WNT5A: variants seen among roughly 807,000 people sequenced by gnomAD.
WNT5A encodes the protein protein Wnt-5a.
In WNT5A, 9 loss-of-function variants were observed where a neutral mutation model predicts 42.1. That is an observed-to-expected ratio of 0.21 (90% CI 0.13 to 0.37). The LOEUF is 0.37. Among genes scored for constraint, WNT5A ranks in the 10% least tolerant of loss-of-function variants. The pLI is 1.00. For synonymous variants in WNT5A, 210 were observed against 210.0 expected, an observed-to-expected ratio of 1.00 and a Z score of 0.00; for missense variants, 426 against 534.0, an observed-to-expected ratio of 0.80 and a Z score of 1.99.
At chr3:55,493,511 A>G (rs1385085037), upstream of WNT5A, among the ~76,000 whole-genome samples, 1 of 152,078 alleles carries the variant, frequency 6.6e-6, no homozygotes, top group East Asian at 1.9e-4. Flanking sequence ...ATTTACAAGT[A>G]TATTTGTTTA....
rs570578703 is a variant in WNT5A at position 55,468,856 on chromosome 3, G to C, written c.*1236C>G. The C allele has an allele frequency of 6.6e-6, 1 of 152,636 alleles. No homozygotes were observed. Among genetic ancestry groups the C allele is most frequent in the South Asian group, 2.1e-4 (1 of 4,818 alleles). 9.5% of individuals were successfully genotyped at this position (152,636 alleles called of 1,614,324 possible). On this transcript the variant is annotated 3_prime_UTR_variant, in exon 5 of 5. Coordinates refer to ENST00000264634, the MANE Select transcript of WNT5A (RefSeq NM_003392.7). ...TGCAACACCTCTGTGAATTCCATTA[G>C]CCAAGTTCTGTCATTAAAACATAGA...
chr3:55,474,694 G>C, intron 3 of WNT5A, 65 bp from the exon 4 acceptor site: 1 of 1,295,508 alleles, frequency 7.7e-7, no homozygotes, highest in Non-Finnish European at 9.8e-7. Flanking sequence ...TGCTGCCGGG[G>C]GTGGGGGTGG....
rs2051594377 is a variant in WNT5A at position 55,487,144 on chromosome 3, G to T, written c.-159C>A. 2 of 620,616 alleles carry T rather than the reference G, an allele frequency of 3.2e-6. No individual in the cohort carries two copies. Among genetic ancestry groups the T allele is most frequent in the Admixed American group, 6.0e-5 (2 of 33,572 alleles). The allele number at this position is 620,616 out of a possible 1,614,324, so 38.4% of individuals were successfully genotyped here. A position where few individuals can be genotyped will look rare whatever the true frequency, so the allele number is the denominator to read the frequency against. On this transcript the variant is annotated 5_prime_UTR_variant, in exon 1 of 5. Coordinates refer to ENST00000264634, the MANE Select transcript of WNT5A (RefSeq NM_003392.7). ...GCGGGCGCAGTGAACCGGAGCTGAA[G>T]CGGGCACTGGCGCCCGGGCCTGGAC...
chr3:55,497,071 C>A, the WNT5A span, among the ~76,000 whole-genome samples: 3 of 152,098 alleles, frequency 2.0e-5, no homozygotes, highest in Middle Eastern at 3.2e-3. Flanking sequence ...ATTGTACGTG[C>A]CAGATCACAC....
At chr3:55,505,097 A>G in the WNT5A span, 1 of 152,202 alleles carries the variant, frequency 6.6e-6, no homozygotes, top group Admixed American at 6.5e-5. Context: ...GTTCATTCTA[A>G]TGCTGCTATA....
Position 55,486,021 on chromosome 3 carries a change from A to G in WNT5A, c.6+959T>C, listed in dbSNP as rs573435862. Among the ~76,000 whole-genome samples the G allele has an allele frequency of 5.9e-5, 9 of 152,374 alleles. No homozygotes were observed. The South Asian group carries it at 1.4e-3, about 25-fold the overall frequency. On this transcript the variant is annotated intron_variant, in intron 1 of 4. Coordinates refer to ENST00000264634, the MANE Select transcript of WNT5A (RefSeq NM_003392.7). Reference sequence around the variant, plus strand: ...AGATAAGAAAAATTGTTTAGAAAATAAAAACTTATGTTGCAGGAAGAAACG... The same window carrying G: ...AGATAAGAAAAATTGTTTAGAAAATGAAAACTTATGTTGCAGGAAGAAACG...
chr3:55,496,161 T>G, the WNT5A span, among the ~76,000 whole-genome samples: 1 of 150,610 alleles, frequency 6.6e-6, no homozygotes, highest in African/African-American at 2.5e-5. Flanking sequence ...ATTTTGTATC[T>G]TTGCTGCTAT....
chr3:55,479,935 C>G (rs1166467526), intron 2 of WNT5A, among the ~76,000 whole-genome samples: 1 of 152,102 alleles, frequency 6.6e-6, no homozygotes, highest in Non-Finnish European at 1.5e-5. Context: ...CAAATTGGAC[C>G]AATCTGCCTT....
chr3:55,466,650 A>C lies in WNT5A; in HGVS notation c.*3442T>G, dbSNP rs146470853. On this transcript the variant is annotated 3_prime_UTR_variant, in exon 5 of 5. Transcript: ENST00000264634. Reference sequence around the variant, plus strand: ...GCTCTTTTGCTGCTGCCTATATATAAATTTTTTATTAATTTTCTTGTATTG... The same window carrying C: ...GCTCTTTTGCTGCTGCCTATATATACATTTTTTATTAATTTTCTTGTATTG... The C allele has an allele frequency of 6.6e-6, 1 of 152,606 alleles. No individual in the cohort carries two copies. The highest frequency in any genetic ancestry group is 2.4e-5 in the African/African-American group (1 of 41,522). 9.5% of individuals were successfully genotyped at this position (152,606 alleles called of 1,614,324 possible). A position where few individuals can be genotyped will look rare whatever the true frequency, so the allele number is the denominator to read the frequency against.
chr3:55,469,973 T>TG lies in WNT5A; in HGVS notation c.*118_*119insC, dbSNP rs2051214354. 8.3e-7 allele frequency: 1 copy of TG among 1,198,510 alleles called. No homozygotes were observed. Among genetic ancestry groups the TG allele is most frequent in the South Asian group, 1.4e-5 (1 of 72,556 alleles). 74.2% of individuals were successfully genotyped at this position (1,198,510 alleles called of 1,614,324 possible). A position where few individuals can be genotyped will look rare whatever the true frequency, so the allele number is the denominator to read the frequency against. ...AGATGGTAACAGGAAAAAAAATGGTTCCGGTTGCAATTCTTGGGGAAAAAT... is the reference window on the plus strand; with the variant it reads ...AGATGGTAACAGGAAAAAAAATGGTTGCCGGTTGCAATTCTTGGGGAAAAAT... On this transcript the variant is annotated 3_prime_UTR_variant, in exon 5 of 5. Transcript: ENST00000264634.
chr3:55,492,322 C>T (rs639000), upstream of WNT5A, among the ~76,000 whole-genome samples: 79,121 of 151,900 alleles, frequency 0.52, 21,542 homozygotes, highest in African/African-American at 0.69. Context: ...AGCTCTGCCT[C>T]TTGCTGACTG....
chr3:55,499,676 T>C, the WNT5A span, among the ~76,000 whole-genome samples: 64 of 152,272 alleles, frequency 4.2e-4, 1 homozygote, highest in South Asian at 0.013. Flanking sequence ...CTATGCCCAT[T>C]AGAAATAAAA....
chr3:55,469,493 T>C lies in WNT5A; in HGVS notation c.*599A>G, dbSNP rs1427113795. The C allele has an allele frequency of 6.6e-6, 1 of 152,566 alleles. No individual in the cohort carries two copies. Among genetic ancestry groups the C allele is most frequent in the Admixed American group, 6.5e-5 (1 of 15,306 alleles). 9.5% of individuals were successfully genotyped at this position (152,566 alleles called of 1,614,324 possible). ...AGAATGAGACATGTGATATACCTTTTTTCCTTGAGAATATGACATTCTTGT... is the reference window on the plus strand; with the variant it reads ...AGAATGAGACATGTGATATACCTTTCTTCCTTGAGAATATGACATTCTTGT... On this transcript the variant is annotated 3_prime_UTR_variant, in exon 5 of 5. Transcript: ENST00000264634.
the WNT5A span, among the ~76,000 whole-genome samples, chr3:55,502,075 T>A: frequency 6.6e-6 from 1 of 152,182 alleles, no homozygotes; most frequent in Non-Finnish European, 1.5e-5. Context: ...AAGAATTCAG[T>A]GGCCACTTCT....
chr3:55,482,420 A>C (rs2106967968), intron 1 of WNT5A, among the ~76,000 whole-genome samples: 1 of 152,250 alleles, frequency 6.6e-6, no homozygotes, highest in African/African-American at 2.4e-5. Context: ...CCCCTGAAGG[A>C]GCCCCTTCCA....
chr3:55,505,115 G>A, the WNT5A span: 2 of 152,138 alleles, frequency 1.3e-5, no homozygotes, highest in African/African-American at 4.8e-5. Flanking sequence ...ATAAAGAACT[G>A]CCCAAGACTG....
Position 55,469,960 on chromosome 3 carries a change from G to GA in WNT5A, c.*131dup, listed in dbSNP as rs892963076. The GA allele has an allele frequency of 8.6e-5, 88 of 1,019,862 alleles. No homozygotes were observed. The highest frequency in any genetic ancestry group is 8.4e-4 in the Middle Eastern group (3 of 3,584). 63.2% of individuals were successfully genotyped at this position (1,019,862 alleles called of 1,614,324 possible). On this transcript the variant is annotated 3_prime_UTR_variant, in exon 5 of 5. Transcript: ENST00000264634. The stretch of plus-strand genomic sequence containing the variant: ...CCACAGAGTTCTTAGATGGTAACAG[G>GA]AAAAAAAATGGTTCCGGTTGCAATT...
At chr3:55,495,387 T>G (rs1462209914), upstream of WNT5A, among the ~76,000 whole-genome samples, 5 of 152,358 alleles carry the variant, frequency 3.3e-5, no homozygotes, top group African/African-American at 4.8e-5. Flanking sequence ...ACTCTTGGCT[T>G]CTGTAAGTTC....
intron 1 of WNT5A, 39 bp downstream of exon 1, chr3:55,486,941 G>T: frequency 1.3e-6 from 2 of 1,512,108 alleles, no homozygotes; most frequent in Non-Finnish European, 1.8e-6. Flanking sequence ...GGGGTGGGGG[G>T]AAGTAAAGAA....
Sources: allele counts gnomAD v4.1 joint callset (sites outside exome capture counted in the v4.1 genomes callset), GRCh38; gene constraint gnomAD v4.1.1; transcripts MANE v1.5; gene names NCBI Gene and HGNC (gene_info 2026-07-23, HGNC 2026-07-21).